The following PGM1 variants were observed in gnomAD, a reference collection of about 807,000 sequenced individuals.
PGM1 encodes the protein phosphoglucomutase-1.
A neutral mutation model predicts 55.6 loss-of-function variants in PGM1; 52 were observed. The observed-to-expected ratio is 0.94, with a 90% confidence interval of 0.75 to 1.18. PGM1 has a LOEUF of 1.18. Among genes scored for constraint, PGM1 ranks in the 50% most tolerant of loss-of-function variants. The pLI is 0.00. For synonymous variants in PGM1, 287 were observed against 271.7 expected (o/e 1.06, Z -0.55); for missense variants, 724 against 729.3 (o/e 0.99, Z 0.08).
At chr1:63,633,926 ATATATATTTTTTTTTTTT>A (rs1649281703) in intron 4 of PGM1, among the ~76,000 whole-genome samples, 1 of 64,804 alleles carries the variant, frequency 1.5e-5, no homozygotes, top group African/African-American at 9.6e-5. Context: ...GTGTATATAT[ATATATATTTTTTTTTTTT>A]TTTTTTTTTT....
At chr1:63,615,529 T>TTCTCTCCTC (rs1648685040) in intron 1 of PGM1, among the ~76,000 whole-genome samples, 1 of 148,902 alleles carries the variant, frequency 6.7e-6, no homozygotes, top group Non-Finnish European at 1.5e-5. Context: ...ACCTCACCAT[T>TTCTCTCCTC]TCTCTCCTCT....
chr1:63,658,934 A>G (rs963921645), intron 10 of PGM1, among the ~76,000 whole-genome samples: 1 of 152,218 alleles, frequency 6.6e-6, no homozygotes, highest in Non-Finnish European at 1.5e-5. Flanking sequence ...CATGAATGGC[A>G]GCAGGCAAAA....
chr1:63,658,127 C>T lies in PGM1; in HGVS notation c.1600-1459C>T, dbSNP rs1650014097. Among the ~76,000 whole-genome samples, 3 of 152,164 alleles carry T rather than the reference C, an allele frequency of 2.0e-5. No individual in the cohort carries two copies. In the South Asian group the frequency reaches 6.2e-4, roughly 32 times the overall value. On this transcript the variant is annotated intron_variant, in intron 10 of 10. Coordinates refer to ENST00000371084, the MANE Select transcript of PGM1 (RefSeq NM_002633.3). The stretch of plus-strand genomic sequence containing the variant: ...CCATCAGCACTTTGTGGGGACTGCC[C>T]AAGCCCTAAGGGGAAATGTGGTAGT...
chr1:63,653,521 T>C (rs1649875740), intron 9 of PGM1, among the ~76,000 whole-genome samples: 1 of 152,136 alleles, frequency 6.6e-6, no homozygotes, highest in East Asian at 1.9e-4. Context: ...CAGTCTTTGG[T>C]GTTATGCAAG....
At chr1:63,599,369 T>G (rs1648168569) in intron 1 of PGM1, among the ~76,000 whole-genome samples, 1 of 152,094 alleles carries the variant, frequency 6.6e-6, no homozygotes, top group South Asian at 2.1e-4. Context: ...TTTCACCATG[T>G]TGGCCAGGAT....
intron 1 of PGM1, 134 bp downstream of exon 1, chr1:63,593,868 C>G: frequency 3.1e-6 from 4 of 1,291,440 alleles, no homozygotes; most frequent in Non-Finnish European, 3.9e-6. Flanking sequence ...GCTCCTCCCT[C>G]TCCTTCGCGC....
intron 7 of PGM1, among the ~76,000 whole-genome samples, chr1:63,642,899 G>A (rs1649553822): frequency 6.6e-6 from 1 of 152,128 alleles, no homozygotes; most frequent in Admixed American, 6.5e-5. Context: ...ATTGAACTTT[G>A]ATTTTATCCT....
At chr1:63,614,934 T>C (rs1054081883) in intron 1 of PGM1, among the ~76,000 whole-genome samples, 53 of 144,812 alleles carry the variant, frequency 3.7e-4, no homozygotes, top group Non-Finnish European at 1.2e-4. Flanking sequence ...CCTTACTATT[T>C]TACAAATAAA....
chr1:63,600,071 G>C (rs1205859872), intron 1 of PGM1: 1 of 152,210 alleles, frequency 6.6e-6, no homozygotes, highest in Non-Finnish European at 1.5e-5. Context: ...ATTATGTCTT[G>C]AAGAGCGGAT....
intron 1 of PGM1, among the ~76,000 whole-genome samples, chr1:63,619,019 G>C (rs927529627): frequency 1.9e-4 from 29 of 152,332 alleles, no homozygotes; most frequent in Admixed American, 1.2e-3. Context: ...GCTGTCAGCA[G>C]CAGTTCTGTG....
intron 5 of PGM1, among the ~76,000 whole-genome samples, chr1:63,635,968 A>G (rs969882654): frequency 6.6e-6 from 1 of 152,222 alleles, no homozygotes; most frequent in Non-Finnish European, 1.5e-5. Context: ...TGGCCTCTGG[A>G]GGGAGAACAG....
chr1:63,593,874 C>A (rs964166777), intron 1 of PGM1, 140 bp downstream of exon 1: 8 of 1,286,892 alleles, frequency 6.2e-6, no homozygotes, highest in Non-Finnish European at 7.8e-6. Context: ...CCCTCTCCTT[C>A]GCGCTCGCTC....
intron 1 of PGM1, among the ~76,000 whole-genome samples, chr1:63,603,449 A>G (rs953653495): frequency 6.6e-6 from 1 of 152,366 alleles, no homozygotes; most frequent in Admixed American, 6.5e-5. Context: ...AATTAAAACC[A>G]GTTTCTGGAA....
rs1447965424 is a variant in PGM1 at position 63,629,576 on chromosome 1, T to G, written c.398T>G (p.Ile133Ser). ...GGAGATTTTGGAATCAAATTCAATATTTCTAATGGAGGTGAGTTTGCTGTC... is the reference window on the plus strand; with the variant it reads ...GGAGATTTTGGAATCAAATTCAATAGTTCTAATGGAGGTGAGTTTGCTGTC... ...PNGDFGIKFN[I>S]SNGGPAPEAI... is the part of the protein sequence containing the mutation. Residue 133 changes from isoleucine to serine, a missense_variant, in exon 2 of 11, where the codon ATT becomes AGT. Coordinates refer to ENST00000371084, the MANE Select transcript of PGM1 (RefSeq NM_002633.3). The G allele has an allele frequency of 3.7e-6, 6 of 1,613,634 alleles. No individual in the cohort carries two copies. Among genetic ancestry groups the G allele is most frequent in the Non-Finnish European group, 4.2e-6 (5 of 1,179,748 alleles).
intron 10 of PGM1, 76 bp from the exon 11 acceptor site, chr1:63,659,510 C>T: frequency 1.7e-6 from 2 of 1,194,572 alleles, no homozygotes; most frequent in East Asian, 4.7e-5. Context: ...AGTAGGCAGT[C>T]AGACGTACGG....
chr1:63,649,037 A>T (rs1263310917), intron 8 of PGM1, among the ~76,000 whole-genome samples: 4 of 152,202 alleles, frequency 2.6e-5, no homozygotes, highest in Non-Finnish European at 5.9e-5. Context: ...TCATCTGTAG[A>T]AATGGGAATA....
At chr1:63,602,289 G>A (rs1648265518) in intron 1 of PGM1, among the ~76,000 whole-genome samples, 2 of 152,262 alleles carry the variant, frequency 1.3e-5, no homozygotes, top group South Asian at 4.1e-4. Context: ...AGAATTTTGG[G>A]AAATACCAAT....
chr1:63,656,360 A>T (rs1053715432), intron 10 of PGM1, among the ~76,000 whole-genome samples: 4 of 152,232 alleles, frequency 2.6e-5, no homozygotes, highest in African/African-American at 9.6e-5. Flanking sequence ...CTATTTTGGA[A>T]TAACCAAAAT....
chr1:63,602,692 G>C, intron 1 of PGM1, among the ~76,000 whole-genome samples: 1 of 152,150 alleles, frequency 6.6e-6, no homozygotes, highest in East Asian at 1.9e-4. Flanking sequence ...TGGTGTCATA[G>C]CCATTTGGGG....
Sources: gnomAD v4.1 joint callset for allele counts (sites outside exome capture counted in the v4.1 genomes callset) on GRCh38, gnomAD v4.1.1 for gene constraint, MANE v1.5 for transcripts, NCBI Gene and HGNC (gene_info 2026-07-23, HGNC 2026-07-21) for gene names.